The following PLEK variants were observed in gnomAD, a reference collection of about 807,000 sequenced individuals.
The protein encoded by PLEK is pleckstrin, also known as platelet 47 kDa protein.
In PLEK, 25 loss-of-function variants were observed where a neutral mutation model predicts 43.9. The observed-to-expected ratio is 0.57, with a 90% CI of 0.41 to 0.79. PLEK has a LOEUF of 0.79. PLEK is among the 30% of genes least tolerant of loss of function. The probability of loss-of-function intolerance (pLI) is 0.00; values close to 1 mark genes in which losing one functional copy is unlikely to be tolerated. For missense variants in PLEK, 396 were observed against 413.3 expected, an observed-to-expected ratio of 0.96 and a Z score of 0.36; for synonymous variants, 152 against 144.4, an observed-to-expected ratio of 1.05 and a Z score of -0.38.
chr2:68,368,074 T>C (rs1345691049), intron 1 of PLEK, among the ~76,000 whole-genome samples: 1 of 152,220 alleles, frequency 6.6e-6, no homozygotes, highest in Non-Finnish European at 1.5e-5. Context: ...GTTTCTGCTT[T>C]TCTTCTGTGC....
In PLEK at chr2:68,395,998, C is replaced by T; in HGVS notation, c.*182C>T. The T allele has an allele frequency of 1.7e-6, 1 of 604,552 alleles. No individual in the cohort carries two copies. Among genetic ancestry groups the T allele is most frequent in the East Asian group, 2.8e-5 (1 of 35,546 alleles). 37.4% of individuals were successfully genotyped at this position (604,552 alleles called of 1,614,324 possible). On this transcript the variant is annotated 3_prime_UTR_variant, in exon 9 of 9. Coordinates refer to ENST00000234313, the MANE Select transcript of PLEK (RefSeq NM_002664.3). ...CAAGGTTCCCCTGCATTGTATTGCT[C>T]ACTGCAGCCCCTCTGCCCCTATCCA...
intron 6 of PLEK, among the ~76,000 whole-genome samples, chr2:68,391,803 G>T (rs188031558): frequency 4.1e-4 from 62 of 152,314 alleles, no homozygotes; most frequent in African/African-American, 1.3e-3. Context: ...GTATTGGCAA[G>T]ATAGAAACTC....
chr2:68,397,254 C>T lies in PLEK; in HGVS notation c.*1438C>T, dbSNP rs894828527. The stretch of plus-strand genomic sequence containing the variant: ...CCTCTCTTGCCCTCCCTCAATTCCC[C>T]TGTAACATTCCTGAAGCTGTTCCCA... On this transcript the variant is annotated 3_prime_UTR_variant, in exon 9 of 9. Coordinates refer to ENST00000234313, the MANE Select transcript of PLEK (RefSeq NM_002664.3). The T allele has an allele frequency of 1.3e-5, 2 of 152,116 alleles. No homozygotes were observed. The highest frequency in any genetic ancestry group is 3.8e-4 in the East Asian group (2 of 5,198). 9.4% of individuals were successfully genotyped at this position (152,116 alleles called of 1,614,324 possible).
chr2:68,388,429 G>A lies in PLEK; in HGVS notation c.700G>A (p.Asp234Asn). The change falls in exon 6 of 9, where the codon GAT becomes AAT. Residue 234 changes from aspartate to asparagine, a missense_variant. Coordinates refer to ENST00000234313, the MANE Select transcript of PLEK (RefSeq NM_002664.3). ...CTGTGAAGAGAATTCCAGTGATGAT[G>A]ATGTGATTCTGAAAGAAGAATTCAG... ...FFCEENSSDD[D>N]VILKEEFRGV... The A allele has an allele frequency of 6.2e-7, 1 of 1,612,290 alleles. No homozygotes were observed. The highest frequency in any genetic ancestry group is 8.5e-7 in the Non-Finnish European group (1 of 1,178,302).
chr2:68,380,671 C>A, intron 2 of PLEK, 52 bp from the exon 3 acceptor site: 3 of 1,575,868 alleles, frequency 1.9e-6, no homozygotes, highest in South Asian at 2.3e-5. Context: ...TCATGAGGGG[C>A]CCCAAGCCCT....
chr2:68,395,913 C>T lies in PLEK; in HGVS notation c.*97C>T. 8.9e-7 allele frequency: 1 copy of T among 1,118,318 alleles called. No homozygotes were observed. Among genetic ancestry groups the T allele is most frequent in the South Asian group, 1.3e-5 (1 of 76,274 alleles). 69.3% of individuals were successfully genotyped at this position (1,118,318 alleles called of 1,614,324 possible). A position where few individuals can be genotyped will look rare whatever the true frequency, so the allele number is the denominator to read the frequency against. On this transcript the variant is annotated 3_prime_UTR_variant, in exon 9 of 9. Coordinates refer to ENST00000234313, the MANE Select transcript of PLEK (RefSeq NM_002664.3). The stretch of plus-strand genomic sequence containing the variant: ...TCTGTGACAAATCAACGGGAAACAG[C>T]CCAGGGGTGGGAAGTTTTCATTTGC...
At chr2:68,395,628 A>G (rs1673948344) in intron 8 of PLEK, 52 bp from the exon 9 acceptor site, 2 of 1,606,324 alleles carry the variant, frequency 1.2e-6, no homozygotes, top group Non-Finnish European at 1.7e-6. Context: ...GGGTGGAGCA[A>G]GTGGTCTTTC....
chr2:68,368,202 G>C (rs566943323), intron 1 of PLEK, among the ~76,000 whole-genome samples: 2 of 152,316 alleles, frequency 1.3e-5, no homozygotes, highest in African/African-American at 2.4e-5. Context: ...TCATTTTCCA[G>C]CTTTTTCATT....
intron 3 of PLEK, 33 bp downstream of exon 3, chr2:68,380,937 T>G: frequency 6.3e-7 from 1 of 1,581,404 alleles, no homozygotes; most frequent in South Asian, 1.1e-5. Flanking sequence ...CTTTACCCAT[T>G]CCTTCTGAAA....
Position 68,365,335 on chromosome 2 carries a change from C to T in PLEK, c.-17C>T. ...AGTTGCCTGAGAGTGACCTTTGCAT[C>T]TGCCTGTCCAGCCAGCATGGAACCA... On this transcript the variant is annotated 5_prime_UTR_variant, in exon 1 of 9. Transcript: ENST00000234313. 1 of 1,613,190 alleles carries T rather than the reference C, an allele frequency of 6.2e-7. No homozygotes were observed. The highest frequency in any genetic ancestry group is 8.5e-7 in the Non-Finnish European group (1 of 1,179,240).
chr2:68,380,840 G>T lies in PLEK; in HGVS notation c.316G>T (p.Gly106Cys), dbSNP rs781719412. ...IKKAIKCIEG[G>C]QKFARKSTRR... ...GAAGGCCATTAAATGCATTGAAGGA[G>T]GCCAGAAATTTGCCAGGAAATCTAC... The change falls in exon 3 of 9, where the codon GGC becomes TGC. Residue 106 changes from glycine to cysteine, a missense_variant. Transcript: ENST00000234313. 9 of 1,613,910 alleles carry T rather than the reference G, an allele frequency of 5.6e-6. No individual in the cohort carries two copies. In the East Asian group the frequency reaches 2.0e-4, roughly 36 times the overall value.
At chr2:68,368,576 C>A (rs1382845067) in intron 1 of PLEK, among the ~76,000 whole-genome samples, 1 of 152,292 alleles carries the variant, frequency 6.6e-6, no homozygotes, top group African/African-American at 2.4e-5. Flanking sequence ...GTTTTGTGGG[C>A]AAGATTAAGT....
At chr2:68,373,020 T>G (rs1285951115) in intron 1 of PLEK, among the ~76,000 whole-genome samples, 1 of 152,032 alleles carries the variant, frequency 6.6e-6, no homozygotes, top group Non-Finnish European at 1.5e-5. Context: ...ATGGTGACAG[T>G]GTTGGTAGAT....
intron 8 of PLEK, among the ~76,000 whole-genome samples, chr2:68,394,833 TG>T (rs1673933817): frequency 6.6e-6 from 1 of 152,212 alleles, no homozygotes; most frequent in Non-Finnish European, 1.5e-5. Flanking sequence ...ATTGTATCTC[TG>T]GGGTGATGTG....
chr2:68,395,732 G>A lies in PLEK; in HGVS notation c.969G>A (p.Val323=), dbSNP rs769193229. 2 of 1,613,892 alleles carry A rather than the reference G, an allele frequency of 1.2e-6. No homozygotes were observed. The highest frequency in any genetic ancestry group is 1.7e-6 in the Non-Finnish European group (2 of 1,179,796). ...NLFEIITADE[V]HYFLQAATPK... ...TTGAGATCATCACAGCAGATGAAGT[G>A]CACTATTTCTTGCAAGCAGCCACCC... The change falls in exon 9 of 9, where the codon GTG becomes GTA. Residue 323 remains valine, a synonymous_variant. Transcript: ENST00000234313.
Position 68,394,217 on chromosome 2 carries a change from A to T in PLEK, c.916+41A>T, listed in dbSNP as rs372176766. The T allele has an allele frequency of 6.3e-5, 72 of 1,147,594 alleles. No individual in the cohort carries two copies. The African/African-American group carries it at 1.0e-3, about 16-fold the overall frequency. 71.1% of individuals were successfully genotyped at this position (1,147,594 alleles called of 1,614,324 possible). On this transcript the variant is annotated intron_variant, in intron 8 of 8. Transcript: ENST00000234313. ...GTGTGAGAGAGGTGGGTCTGCTCAG[A>T]CTCCCCTCCCACACCTGGACATCCT...
chr2:68,380,583 C>T, intron 2 of PLEK, 100 bp downstream of exon 2: 1 of 1,411,574 alleles, frequency 7.1e-7, no homozygotes, highest in South Asian at 1.3e-5. Flanking sequence ...GGGCTGGTCC[C>T]TCTCACCACC....
chr2:68,368,649 T>C (rs1231654410), intron 1 of PLEK, among the ~76,000 whole-genome samples: 3 of 152,228 alleles, frequency 2.0e-5, no homozygotes, highest in Non-Finnish European at 4.4e-5. Flanking sequence ...ATAAACATGT[T>C]TGGAAGGTAC....
intron 8 of PLEK, among the ~76,000 whole-genome samples, chr2:68,394,488 T>C (rs888360613): frequency 4.6e-5 from 7 of 152,156 alleles, no homozygotes; most frequent in Admixed American, 3.9e-4. Context: ...TGAGCTGAGA[T>C]TGTGCTACTG....
Sources: allele counts gnomAD v4.1 joint callset (sites outside exome capture counted in the v4.1 genomes callset), GRCh38; gene constraint gnomAD v4.1.1; transcripts MANE v1.5; gene names NCBI Gene and HGNC (gene_info 2026-07-23, HGNC 2026-07-21).